The following ELMO1 variants were observed in gnomAD, a reference collection of about 807,000 sequenced individuals.
The protein encoded by ELMO1 is engulfment and cell motility protein 1.
A neutral mutation model predicts 98.9 loss-of-function variants in ELMO1; 26 were observed. The observed-to-expected ratio is 0.26, with a 90% CI of 0.19 to 0.36. The LOEUF (loss-of-function observed/expected upper bound fraction) is 0.36. Among genes scored for constraint, ELMO1 ranks in the 10% least tolerant of loss-of-function variants. ELMO1 has a pLI of 1.00. For synonymous variants in ELMO1, 346 were observed against 346.0 expected, an observed-to-expected ratio of 1.00 and a Z score of 0.00; for missense variants, 627 against 935.2, an observed-to-expected ratio of 0.67 and a Z score of 4.30.
chr7:37,297,610 A>G (rs1398929319), intron 4 of ELMO1, among the ~76,000 whole-genome samples: 2 of 145,276 alleles, frequency 1.4e-5, no homozygotes, highest in East Asian at 2.0e-4. Flanking sequence ...GCACTGCTTG[A>G]AAAAAAAAAA....
intron 13 of ELMO1, among the ~76,000 whole-genome samples, chr7:37,199,085 A>G (rs929807412): frequency 6.6e-6 from 1 of 152,220 alleles, no homozygotes; most frequent in Admixed American, 6.5e-5. Context: ...ACTGCCCACA[A>G]ATGTCCCTCC....
intron 16 of ELMO1, chr7:36,985,991 C>G (rs1490035524): frequency 1.0e-6 from 1 of 1,002,752 alleles, no homozygotes; most frequent in Non-Finnish European, 1.2e-6. Context: ...CACAAAGCGA[C>G]TTAGAGTCGT....
chr7:36,953,630 T>C (rs34207543), intron 16 of ELMO1, among the ~76,000 whole-genome samples: 4,148 of 152,340 alleles, frequency 0.027, 92 homozygotes, highest in Non-Finnish European at 0.043. Context: ...TAAATAATGA[T>C]GCTTATACAC....
At chr7:37,189,343 G>T (rs573777918) in intron 13 of ELMO1, among the ~76,000 whole-genome samples, 1 of 152,298 alleles carries the variant, frequency 6.6e-6, no homozygotes, top group South Asian at 2.1e-4. Context: ...GAGCAGGGAA[G>T]AAATGAATCC....
chr7:37,398,721 T>C (rs1217131450), intron 1 of ELMO1, among the ~76,000 whole-genome samples: 1 of 152,146 alleles, frequency 6.6e-6, no homozygotes, highest in African/African-American at 2.4e-5. Flanking sequence ...CATTAATTCC[T>C]CTCGGAAAAT....
chr7:37,312,063 A>T (rs138744256), intron 4 of ELMO1, among the ~76,000 whole-genome samples: 10 of 152,354 alleles, frequency 6.6e-5, no homozygotes, highest in South Asian at 2.1e-4. Flanking sequence ...ATGGCAGCAC[A>T]CAAACACATT....
rs550783323 is a variant in ELMO1 at position 37,447,161 on chromosome 7, C to T, written c.-74+1514G>A. On this transcript the variant is annotated intron_variant, in intron 1 of 21. Transcript: ENST00000310758. ...AAAGTGATTCTGAGAAGGATTATAT[C>T]CCTCTATGTCCCAAAGTTGCTCGCA... Among the ~76,000 whole-genome samples the T allele has an allele frequency of 2.6e-5, 4 of 152,262 alleles. No homozygotes were observed. The East Asian group carries it at 5.8e-4, about 22-fold the overall frequency.
intron 1 of ELMO1, among the ~76,000 whole-genome samples, chr7:37,434,022 C>T (rs1211833497): frequency 1.3e-5 from 2 of 151,866 alleles, no homozygotes; most frequent in African/African-American, 2.4e-5. Flanking sequence ...AGAGAGTGAG[C>T]CACAGATCTG....
At chr7:37,085,638 T>C (rs1429549550) in intron 15 of ELMO1, among the ~76,000 whole-genome samples, 1 of 152,124 alleles carries the variant, frequency 6.6e-6, no homozygotes, top group Non-Finnish European at 1.5e-5. Flanking sequence ...CAGTGATTAC[T>C]GCTTTGGAAA....
intron 15 of ELMO1, among the ~76,000 whole-genome samples, chr7:37,013,804 G>A (rs373086895): frequency 3.3e-5 from 5 of 152,080 alleles, no homozygotes; most frequent in East Asian, 3.9e-4. Context: ...CAGCTCCTCC[G>A]TCACCCTCAA....
intron 16 of ELMO1, among the ~76,000 whole-genome samples, chr7:36,956,257 C>T (rs1381130233): frequency 2.6e-5 from 4 of 152,322 alleles, no homozygotes; most frequent in African/African-American, 9.6e-5. Context: ...AGGTGCCTGC[C>T]ATGGGACTAC....
At chr7:37,291,531 G>A (rs765671849) in intron 4 of ELMO1, among the ~76,000 whole-genome samples, 1 of 152,158 alleles carries the variant, frequency 6.6e-6, no homozygotes, top group East Asian at 1.9e-4. Context: ...ATTGGACAAA[G>A]AATGTATAGG....
intron 16 of ELMO1, among the ~76,000 whole-genome samples, chr7:37,008,482 CT>C (rs534360675): frequency 2.3e-3 from 335 of 146,310 alleles, no homozygotes; most frequent in African/African-American, 6.8e-3. Flanking sequence ...CATAGCTTCA[CT>C]TTTTTTTTTT....
intron 5 of ELMO1, among the ~76,000 whole-genome samples, chr7:37,261,569 C>T (rs771109351): frequency 2.9e-4 from 44 of 152,042 alleles, no homozygotes; most frequent in Non-Finnish European, 4.4e-4. Flanking sequence ...TGCATCTCTC[C>T]GTGATGATAG....
At chr7:37,209,771 C>A (rs899340965) in intron 13 of ELMO1, among the ~76,000 whole-genome samples, 1 of 152,156 alleles carries the variant, frequency 6.6e-6, no homozygotes, top group Non-Finnish European at 1.5e-5. Flanking sequence ...AGGTCACTGC[C>A]ACCCTGGAGC....
intron 16 of ELMO1, among the ~76,000 whole-genome samples, chr7:36,993,265 G>C (rs1454946623): frequency 6.6e-6 from 1 of 152,104 alleles, no homozygotes; most frequent in Non-Finnish European, 1.5e-5. Context: ...GAAATTCTAG[G>C]GTGAGTCCTG....
intron 14 of ELMO1, 26 bp downstream of exon 14, chr7:37,133,104 T>C (rs761710902): frequency 6.4e-7 from 1 of 1,571,058 alleles, no homozygotes; most frequent in Non-Finnish European, 8.7e-7. Context: ...AAACACACAA[T>C]ATCTGAAAAG....
At chr7:36,918,538 C>CG (rs1784888144) in intron 16 of ELMO1, among the ~76,000 whole-genome samples, 1 of 152,148 alleles carries the variant, frequency 6.6e-6, no homozygotes, top group Non-Finnish European at 1.5e-5. Context: ...CCAATCCACT[C>CG]GTTCCCTCCC....
intron 13 of ELMO1, among the ~76,000 whole-genome samples, chr7:37,205,487 A>G (rs1025300709): frequency 3.3e-5 from 5 of 152,066 alleles, no homozygotes; most frequent in Admixed American, 6.6e-5. Context: ...ATATTTTCGT[A>G]TTTTTTCTGC....
Sources: allele counts gnomAD v4.1 joint callset (sites outside exome capture counted in the v4.1 genomes callset), GRCh38; gene constraint gnomAD v4.1.1; transcripts MANE v1.5; gene names NCBI Gene and HGNC (gene_info 2026-07-23, HGNC 2026-07-21).